The following EBF1 variants were observed in gnomAD, a reference collection of about 807,000 sequenced individuals.
EBF1 encodes transcription factor COE1.
Under a neutral mutation model 68.4 loss-of-function variants are expected in EBF1, and 10 were observed. That is an observed-to-expected ratio of 0.15 (90% CI 0.09 to 0.25). The LOEUF (loss-of-function observed/expected upper bound fraction) is 0.25, where lower values mean the gene tolerates loss of function less well. EBF1 is among the 10% of genes least tolerant of loss of function. The pLI, the probability that EBF1 is intolerant of heterozygous loss-of-function variation, is 1.00. For missense variants in EBF1, 509 were observed against 794.4 expected, an observed-to-expected ratio of 0.64 and a Z score of 4.32; for synonymous variants, 298 against 299.8, an observed-to-expected ratio of 0.99 and a Z score of 0.06.
chr5:158,938,909 C>G (rs372480759), intron 6 of EBF1, among the ~76,000 whole-genome samples: 1 of 152,120 alleles, frequency 6.6e-6, no homozygotes. Context: ...AGGACCTACC[C>G]TTAAATGTTA....
chr5:158,845,533 T>G (rs11750665), intron 6 of EBF1, among the ~76,000 whole-genome samples: 23,460 of 152,068 alleles, frequency 0.15, 1,887 homozygotes, highest in Non-Finnish European at 0.18. Context: ...AAGTGATAAT[T>G]ATTTTCTTCA....
intron 6 of EBF1, among the ~76,000 whole-genome samples, chr5:159,062,895 T>C (rs1341491324): frequency 1.3e-5 from 2 of 152,234 alleles, no homozygotes; most frequent in Non-Finnish European, 2.9e-5. Flanking sequence ...ATTAAACAGT[T>C]AGGCAATGAG....
intron 6 of EBF1, among the ~76,000 whole-genome samples, chr5:158,886,331 A>G (rs1800034104): frequency 6.6e-6 from 1 of 152,240 alleles, no homozygotes; most frequent in African/African-American, 2.4e-5. Flanking sequence ...GTCTTCCAGC[A>G]ATCCTCATCA....
intron 6 of EBF1, among the ~76,000 whole-genome samples, chr5:158,852,736 T>C (rs1161929668): frequency 2.6e-5 from 4 of 152,206 alleles, no homozygotes; most frequent in African/African-American, 9.7e-5. Flanking sequence ...GCACTATTTC[T>C]CATGATATCA....
At chr5:158,755,301 C>T (rs13189570) in intron 10 of EBF1, among the ~76,000 whole-genome samples, 30,054 of 151,886 alleles carry the variant, frequency 0.2, 3,237 homozygotes, top group Middle Eastern at 0.24. Context: ...TGGCCATATC[C>T]CCTCCCCACT....
intron 4 of EBF1, among the ~76,000 whole-genome samples, chr5:159,087,565 G>A (rs1001765384): frequency 3.3e-5 from 5 of 151,690 alleles, no homozygotes; most frequent in Admixed American, 6.6e-5. Flanking sequence ...TCTAGATGAC[G>A]CAAATATTAG....
At chr5:158,767,850 G>A (rs1322728377) in intron 10 of EBF1, among the ~76,000 whole-genome samples, 2 of 152,124 alleles carry the variant, frequency 1.3e-5, no homozygotes, top group Non-Finnish European at 1.5e-5. Flanking sequence ...GGATCAGAGA[G>A]GGGCCTACAT....
At chr5:158,789,429 T>A (rs1166784545) in intron 9 of EBF1, among the ~76,000 whole-genome samples, 1 of 152,166 alleles carries the variant, frequency 6.6e-6, no homozygotes, top group African/African-American at 2.4e-5. Flanking sequence ...GTATCTCACA[T>A]AAAAGGTGGT....
At chr5:159,061,190 A>C (rs929779) in intron 6 of EBF1, among the ~76,000 whole-genome samples, 66,627 of 151,846 alleles carry the variant, frequency 0.44, 15,665 homozygotes, top group Non-Finnish European at 0.52. Context: ...GGTGATAGAC[A>C]AAACACTGCT....
chr5:158,944,547 A>G (rs757056742), intron 6 of EBF1, among the ~76,000 whole-genome samples: 1 of 152,180 alleles, frequency 6.6e-6, no homozygotes, highest in Non-Finnish European at 1.5e-5. Flanking sequence ...ATGTGTCTTT[A>G]TAGTAGAATG....
intron 6 of EBF1, among the ~76,000 whole-genome samples, chr5:158,989,613 C>G (rs1759856333): frequency 6.6e-6 from 1 of 152,094 alleles, no homozygotes; most frequent in Non-Finnish European, 1.5e-5. Context: ...AGCTCCAAAC[C>G]CAGCTCATGG....
chr5:158,978,522 TA>T (rs1055628500), intron 6 of EBF1, among the ~76,000 whole-genome samples: 1 of 152,146 alleles, frequency 6.6e-6, no homozygotes, highest in African/African-American at 2.4e-5. Flanking sequence ...AGCCATGTGG[TA>T]AGTTCTGTTC....
intron 7 of EBF1, among the ~76,000 whole-genome samples, chr5:158,835,351 C>G (rs895799573): frequency 6.6e-6 from 1 of 152,158 alleles, no homozygotes; most frequent in Non-Finnish European, 1.5e-5. Flanking sequence ...AAGTGAAGTT[C>G]AGGTTACCTG....
intron 6 of EBF1, among the ~76,000 whole-genome samples, chr5:158,869,850 C>T (rs1028006109): frequency 1.3e-5 from 2 of 152,038 alleles, no homozygotes; most frequent in Admixed American, 6.5e-5. Context: ...ATTTTGTTTG[C>T]CTTTCTTTTG....
intron 6 of EBF1, among the ~76,000 whole-genome samples, chr5:158,954,066 G>A (rs754996266): frequency 1.3e-5 from 2 of 152,212 alleles, no homozygotes; most frequent in Non-Finnish European, 2.9e-5. Context: ...AAAGTCGTAT[G>A]TGCCTGTGTA....
intron 6 of EBF1, among the ~76,000 whole-genome samples, chr5:159,029,836 C>A (rs566392810): frequency 6.6e-6 from 1 of 151,792 alleles, no homozygotes; most frequent in African/African-American, 2.4e-5. Flanking sequence ...TGCCTGTAGT[C>A]CCAGCTACTC....
At chr5:158,730,995 T>A (rs1763978553) in intron 11 of EBF1, 74 bp downstream of exon 11, 6 of 1,406,002 alleles carry the variant, frequency 4.3e-6, no homozygotes, top group Non-Finnish European at 5.9e-6. Context: ...GAACTAATTT[T>A]TATCAGCAGC....
At chr5:158,865,589 C>A (rs1582704030) in intron 6 of EBF1, among the ~76,000 whole-genome samples, 4 of 152,234 alleles carry the variant, frequency 2.6e-5, no homozygotes, top group African/African-American at 9.6e-5. Context: ...GATCTAAAAT[C>A]TGCATTTGTT....
chr5:158,959,293 ATTTTT>A (rs11404732), intron 6 of EBF1, among the ~76,000 whole-genome samples: 4 of 144,676 alleles, frequency 2.8e-5, no homozygotes, highest in Non-Finnish European at 4.5e-5. Flanking sequence ...CTACTTAAGA[ATTTTT>A]TTTTTTTTTT....
Sources: allele counts gnomAD v4.1 joint callset (sites outside exome capture counted in the v4.1 genomes callset), GRCh38; gene constraint gnomAD v4.1.1; transcripts MANE v1.5; gene names NCBI Gene and HGNC (gene_info 2026-07-23, HGNC 2026-07-21).